Variants in ANO9 observed in about 807,000 individuals in gnomAD.
The protein encoded by ANO9 is anoctamin 9.
In ANO9, 80 loss-of-function variants were observed where a neutral mutation model predicts 100.5. That is an observed-to-expected ratio of 0.80 (90% confidence interval 0.66 to 0.96). The LOEUF is 0.96. Among genes scored for constraint, ANO9 ranks in the 40% least tolerant of loss-of-function variants. The pLI, the probability that ANO9 is intolerant of heterozygous loss-of-function variation, is 0.00. For synonymous variants in ANO9, 473 were observed against 435.6 expected, an observed-to-expected ratio of 1.09 and a Z score of -1.07; for missense variants, 1,064 against 1,072.7, an observed-to-expected ratio of 0.99 and a Z score of 0.11.
At chr11:428,935 A>T in intron 11 of ANO9, 109 bp from the exon 12 acceptor site, 1 of 1,029,578 alleles carries the variant, frequency 9.7e-7, no homozygotes, top group East Asian at 2.6e-5. Context: ...CACTCACCCC[A>T]CACATGGGGA....
chr11:432,244 T>C lies in ANO9; in HGVS notation c.351-190A>G, dbSNP rs936030196. 1.6e-5 allele frequency: 10 copies of C among 612,206 alleles called. No homozygotes were observed. The Admixed American group carries it at 3.0e-4, about 18-fold the overall frequency. 37.9% of individuals were successfully genotyped at this position (612,206 alleles called of 1,614,324 possible). ...CCACCCCGCACCCTCCTTAAAGTGC[T>C]CCCAGGGCCTGGCCTGCCCCACGGC... On this transcript the variant is annotated intron_variant, in intron 4 of 22. Coordinates refer to ENST00000332826, the MANE Select transcript of ANO9 (RefSeq NM_001012302.3). This position sits in a 1 kb window ranked among gnomAD's most constrained non-coding sequence, Gnocchi z 4.8.
chr11:431,837 C>T lies in ANO9; in HGVS notation c.465+11G>A. On this transcript the variant is annotated intron_variant, in intron 6 of 22. Coordinates refer to ENST00000332826, the MANE Select transcript of ANO9 (RefSeq NM_001012302.3). ...ACCCCAGGGCCCTCTCCAGGCCAGC[C>T]CACCCCTCACCTTGTGCAGGGGGAA... 6.2e-7 allele frequency: 1 copy of T among 1,611,016 alleles called. No homozygotes were observed. Among genetic ancestry groups the T allele is most frequent in the Non-Finnish European group, 8.5e-7 (1 of 1,178,584 alleles).
rs10331 is a variant in ANO9 at position 418,179 on chromosome 11, A to C, written c.*192T>G. The C allele has an allele frequency of 0.11, 66,799 of 624,154 alleles. 4,256 individuals are homozygous for C. Among genetic ancestry groups the C allele is most frequent in the Middle Eastern group, 0.12 (281 of 2,268 alleles). 38.7% of individuals were successfully genotyped at this position (624,154 alleles called of 1,614,324 possible). On this transcript the variant is annotated 3_prime_UTR_variant, in exon 23 of 23. Transcript: ENST00000332826. ...TCAAGTCAGGGCTGTGCCAAGCCTGAGAGCCCCCACAAAGACGGAGCAGGC... is the reference window on the plus strand; with the variant it reads ...TCAAGTCAGGGCTGTGCCAAGCCTGCGAGCCCCCACAAAGACGGAGCAGGC...
chr11:431,691 T>C lies in ANO9; in HGVS notation c.539+3A>G. On this transcript the variant is annotated splice_donor_region_variant and intron_variant, in intron 7 of 22. Coordinates refer to ENST00000332826, the MANE Select transcript of ANO9 (RefSeq NM_001012302.3). ...TTCCTGTGCTCTCTTTGGGCAGCGT[T>C]ACCTGATTTCATCAACTGGCTGCTC... is the stretch of plus-strand genomic sequence containing the variant. The C allele has an allele frequency of 6.2e-7, 1 of 1,612,268 alleles. No homozygotes were observed. Among genetic ancestry groups the C allele is most frequent in the Non-Finnish European group, 8.5e-7 (1 of 1,179,444 alleles).
At chr11:433,133 G>C in intron 4 of ANO9, 181 bp downstream of exon 4, 1 of 760,964 alleles carries the variant, frequency 1.3e-6, no homozygotes, top group Non-Finnish European at 2.0e-6. Context: ...CCTTTAATGG[G>C]ATGGGGAAGC....
chr11:428,256 G>C, intron 14 of ANO9, 57 bp from the exon 15 acceptor site: 1 of 1,606,860 alleles, frequency 6.2e-7, no homozygotes, highest in Non-Finnish European at 8.5e-7. Flanking sequence ...CCCTGGGGCA[G>C]CAGGAAGGGT....
chr11:424,720 G>A (rs1848393025), intron 15 of ANO9, among the ~76,000 whole-genome samples: 1 of 152,150 alleles, frequency 6.6e-6, no homozygotes, highest in South Asian at 2.1e-4. Context: ...TTAGGGAACA[G>A]ATGAGAACTC....
chr11:441,978 G>T lies in ANO9; in HGVS notation c.-52C>A, dbSNP rs1327525721. 8 of 1,592,744 alleles carry T rather than the reference G, an allele frequency of 5.0e-6. No individual in the cohort carries two copies. Among genetic ancestry groups the T allele is most frequent in the Non-Finnish European group, 6.8e-6 (8 of 1,175,040 alleles). On this transcript the variant is annotated 5_prime_UTR_variant, in exon 1 of 23. Coordinates refer to ENST00000332826, the MANE Select transcript of ANO9 (RefSeq NM_001012302.3). ...GGGTTTGGCGGCCAGGAGAGTGGCT[G>T]CCAGCGGCGGGTGCTCCTACCTGAC...
Position 421,437 on chromosome 11 carries a change from G to T in ANO9, c.1335-239C>A, listed in dbSNP as rs1309387788. Among the ~76,000 whole-genome samples the T allele has an allele frequency of 8.9e-5, 12 of 134,968 alleles. No individual in the cohort carries two copies. Among genetic ancestry groups the T allele is most frequent in the Non-Finnish European group, 1.6e-4 (10 of 62,722 alleles). The allele number at this position is 134,968 out of a possible 152,430, so 88.5% of individuals were successfully genotyped here. Reference sequence around the variant, plus strand: ...AGATGAACCGCACCCACACGTGGGCGCGCGCACACACACACACACCCCCAC... The same window carrying T: ...AGATGAACCGCACCCACACGTGGGCTCGCGCACACACACACACACCCCCAC... On this transcript the variant is annotated intron_variant, in intron 15 of 22. Transcript: ENST00000332826. This position sits in a 1 kb window ranked among gnomAD's most constrained non-coding sequence, Gnocchi z 6.8.
chr11:437,025 C>CG (rs1374570320), intron 1 of ANO9, among the ~76,000 whole-genome samples: 1 of 69,448 alleles, frequency 1.4e-5, no homozygotes, highest in Non-Finnish European at 2.9e-5. Context: ...TGGAGATGAG[C>CG]GGGGGGTGAG....
chr11:439,298 G>A (rs987150490), intron 1 of ANO9, among the ~76,000 whole-genome samples: 1 of 152,238 alleles, frequency 6.6e-6, no homozygotes, highest in Non-Finnish European at 1.5e-5. Flanking sequence ...TTCCCAGTGA[G>A]GAAGCTTCTG....
chr11:421,706 C>T lies in ANO9; in HGVS notation c.1335-508G>A, dbSNP rs1023323951. 8.5e-5 allele frequency among the ~76,000 whole-genome samples: 13 copies of T among 152,382 alleles called. No homozygotes were observed. Among genetic ancestry groups the T allele is most frequent in the African/African-American group, 3.1e-4 (13 of 41,590 alleles). ...CTCCAACACACGCTCCAGACAGTGT[C>T]TGTTACGAGTGGCCTCGGTTTCTCC... On this transcript the variant is annotated intron_variant, in intron 15 of 22. Transcript: ENST00000332826. This position sits in a 1 kb window ranked among gnomAD's most constrained non-coding sequence, Gnocchi z 6.8.
intron 1 of ANO9, among the ~76,000 whole-genome samples, chr11:434,614 C>T (rs1428006106): frequency 1.3e-5 from 2 of 152,174 alleles, no homozygotes; most frequent in Non-Finnish European, 2.9e-5. Context: ...CGAGGGCACT[C>T]GCGGCGGCCC....
chr11:438,204 G>A lies in ANO9; in HGVS notation c.6+3717C>T, dbSNP rs2133719355. 1.3e-5 allele frequency among the ~76,000 whole-genome samples: 2 copies of A among 152,140 alleles called. 1 individual carries two copies. The highest frequency in any genetic ancestry group is 4.1e-4 in the South Asian group (2 of 4,828). ...AAAGCCCCCATCACTGACGTGGGCT[G>A]ACAGGGAGCCCTCCCCCCAGGGCAG... On this transcript the variant is annotated intron_variant, in intron 1 of 22. Coordinates refer to ENST00000332826, the MANE Select transcript of ANO9 (RefSeq NM_001012302.3).
intron 1 of ANO9, among the ~76,000 whole-genome samples, chr11:435,282 TA>T (rs1849375770): frequency 6.6e-6 from 1 of 151,784 alleles, no homozygotes; most frequent in Non-Finnish European, 1.5e-5. Context: ...TAGTCTAGTC[TA>T]GTCTAGCATA....
At chr11:420,313 G>T (rs1213024083) in intron 19 of ANO9, 150 bp downstream of exon 19, 26 of 1,451,036 alleles carry the variant, frequency 1.8e-5, no homozygotes, top group Non-Finnish European at 2.3e-5. Context: ...GGCTCAACCC[G>T]CATCCGAGGC....
In ANO9 at chr11:428,771, T is replaced by C; in HGVS notation, c.971A>G (p.Gln324Arg). Residue 324 changes from glutamine to arginine, a missense_variant, in exon 12 of 23, where the codon CAG becomes CGG. By Grantham distance (43) the Gln-to-Arg change is conservative (BLOSUM62 1). Coordinates refer to ENST00000332826, the MANE Select transcript of ANO9 (RefSeq NM_001012302.3). ...NCPDYKLRPYQHSYLRSTVIL... is the reference protein window; with the variant it reads ...NCPDYKLRPYRHSYLRSTVIL... Reference sequence around the variant, plus strand: ...GACGGTGCTGCGTAGGTAGGAGTGCTGGTATGGCCGGAGCTTGTAGTCGGG... The same window carrying C: ...GACGGTGCTGCGTAGGTAGGAGTGCCGGTATGGCCGGAGCTTGTAGTCGGG... 1 of 1,613,372 alleles carries C rather than the reference T, an allele frequency of 6.2e-7. No individual in the cohort carries two copies. The highest frequency in any genetic ancestry group is 8.5e-7 in the Non-Finnish European group (1 of 1,179,948).
chr11:423,516 G>T (rs1848317005), intron 15 of ANO9, among the ~76,000 whole-genome samples: 1 of 152,046 alleles, frequency 6.6e-6, no homozygotes, highest in South Asian at 2.1e-4. Flanking sequence ...GGATTTGAAG[G>T]TTTAAGGGTT....
intron 19 of ANO9, chr11:420,019 A>C: frequency 1.5e-6 from 2 of 1,345,500 alleles, no homozygotes; most frequent in Non-Finnish European, 1.9e-6. Context: ...CTGGGTTCCC[A>C]CCCCAGGGTA....
Sources: gnomAD v4.1 joint callset for allele counts (sites outside exome capture counted in the v4.1 genomes callset) on GRCh38, gnomAD v4.1.1 for gene constraint, Gnocchi (gnomAD v3.1) non-coding constraint, MANE v1.5 for transcripts, NCBI Gene and HGNC (gene_info 2026-07-23, HGNC 2026-07-21) for gene names.